FANCC: variants seen among roughly 807,000 people sequenced by gnomAD.
FANCC encodes Fanconi anemia group C protein.
Under a neutral mutation model 71.3 loss-of-function variants are expected in FANCC, and 55 were observed. The observed-to-expected ratio is 0.77, with a 90% CI of 0.62 to 0.97. The LOEUF is 0.97. FANCC is among the 50% of genes least tolerant of loss of function. The probability of loss-of-function intolerance (pLI) is 0.00; values close to 1 mark genes in which losing one functional copy is unlikely to be tolerated. For missense variants in FANCC, 678 were observed against 670.9 expected, an observed-to-expected ratio of 1.01 and a Z score of -0.12; for synonymous variants, 275 against 244.9, an observed-to-expected ratio of 1.12 and a Z score of -1.15.
At chr9:95,216,867 T>G (rs1014262391) in intron 4 of FANCC, among the ~76,000 whole-genome samples, 2 of 152,154 alleles carry the variant, frequency 1.3e-5, no homozygotes, top group Non-Finnish European at 2.9e-5. Context: ...GTCCTATGTC[T>G]TCAGCCAGCA....
chr9:95,129,205 C>G (rs1215519490), intron 8 of FANCC, among the ~76,000 whole-genome samples: 2 of 152,150 alleles, frequency 1.3e-5, no homozygotes, highest in Non-Finnish European at 2.9e-5. Flanking sequence ...CTCATCTGCA[C>G]CCCTCACCGA....
intron 1 of FANCC, among the ~76,000 whole-genome samples, chr9:95,265,975 G>A (rs992088195): frequency 3.3e-5 from 5 of 152,190 alleles, no homozygotes; most frequent in African/African-American, 4.8e-5. Flanking sequence ...GCACCAGCCC[G>A]GCATGGAGGT....
At position 95,126,571 on chromosome 9, in the gene FANCC, G is replaced by A. The variant is rs1354711465; in HGVS notation, c.854C>T (p.Ala285Val). 1 of 1,613,890 alleles carries A rather than the reference G, an allele frequency of 6.2e-7. No homozygotes were observed. Among genetic ancestry groups the A allele is most frequent in the East Asian group, 2.2e-5 (1 of 44,894 alleles). ...FIKDSSLPQA[A>V]CHPAIFRVVD... ...AACCCGGAATATGGCAGGGTGGCAG[G>A]CTGCTTGAGGCTGTAAAAGGAGAAG... The change falls in exon 9 of 15, where the codon GCC becomes GTC. Residue 285 changes from alanine (A) to valine (V), a missense_variant. Transcript: ENST00000289081.
At chr9:95,289,963 G>A (rs1030332512) in intron 1 of FANCC, among the ~76,000 whole-genome samples, 1 of 152,144 alleles carries the variant, frequency 6.6e-6, no homozygotes, top group African/African-American at 2.4e-5. Flanking sequence ...CCAGCCACAC[G>A]TTTTAGAATA....
chr9:95,108,499 A>G (rs538250934), intron 13 of FANCC, among the ~76,000 whole-genome samples: 1 of 152,190 alleles, frequency 6.6e-6, no homozygotes, highest in Non-Finnish European at 1.5e-5. Flanking sequence ...GATGGGGTCT[A>G]TCTTCCTTTA....
intron 1 of FANCC, among the ~76,000 whole-genome samples, chr9:95,269,224 C>T (rs1832581970): frequency 6.6e-6 from 1 of 152,182 alleles, no homozygotes; most frequent in African/African-American, 2.4e-5. Flanking sequence ...TCCCTCTTCC[C>T]CTACCTGTTT....
At chr9:95,208,166 C>T (rs999280760) in intron 4 of FANCC, among the ~76,000 whole-genome samples, 8 of 138,372 alleles carry the variant, frequency 5.8e-5, no homozygotes, top group South Asian at 4.7e-4. Flanking sequence ...GGTGCAATCT[C>T]GGCTCACGGC....
chr9:95,284,906 A>AACATACG (rs1311506179), intron 1 of FANCC, among the ~76,000 whole-genome samples: 16 of 151,228 alleles, frequency 1.1e-4, no homozygotes, highest in African/African-American at 3.9e-4. Context: ...ACACACACAA[A>AACATACG]CATACGCATG....
intron 4 of FANCC, among the ~76,000 whole-genome samples, chr9:95,237,165 G>C (rs530132599): frequency 1.3e-5 from 2 of 152,218 alleles, no homozygotes; most frequent in South Asian, 4.1e-4. Flanking sequence ...ATTTAGTTCA[G>C]GCTTGCTTGG....
At chr9:95,142,664 C>T (rs1397777107) in intron 7 of FANCC, 1 of 152,136 alleles carries the variant, frequency 6.6e-6, no homozygotes, top group Non-Finnish European at 1.5e-5. Context: ...TTTCTGTTAT[C>T]CCACTATACT....
In FANCC at chr9:95,162,024, T is replaced by G. The variant is rs553057768; in HGVS notation, c.521+9055A>C. Among the ~76,000 whole-genome samples the G allele has an allele frequency of 2.6e-5, 4 of 152,250 alleles. No individual in the cohort carries two copies. The South Asian group carries it at 8.3e-4, about 32-fold the overall frequency. On this transcript the variant is annotated intron_variant, in intron 6 of 14. Coordinates refer to ENST00000289081, the MANE Select transcript of FANCC (RefSeq NM_000136.3). The stretch of plus-strand genomic sequence containing the variant: ...ACCCATCTAATTTTTGTATTTTTAG[T>G]AGAGATGGAGTTTCGCCGTGTTGGC...
At chr9:95,266,409 T>C (rs1029955514) in intron 1 of FANCC, among the ~76,000 whole-genome samples, 12 of 152,182 alleles carry the variant, frequency 7.9e-5, no homozygotes, top group Non-Finnish European at 1.5e-4. Flanking sequence ...GACTGGCCAA[T>C]ACTAACACAT....
At chr9:95,292,351 A>AGGC (rs1834079702) in intron 1 of FANCC, 13 of 934,420 alleles carry the variant, frequency 1.4e-5, no homozygotes, top group Non-Finnish European at 1.7e-5. Flanking sequence ...GCGGCCTCGG[A>AGGC]GGCGGTGGCG....
chr9:95,278,130 C>T (rs144382075), intron 1 of FANCC, among the ~76,000 whole-genome samples: 1 of 152,184 alleles, frequency 6.6e-6, no homozygotes, highest in African/African-American at 2.4e-5. Flanking sequence ...AACAGCCAAG[C>T]TGTATTGGGC....
intron 6 of FANCC, among the ~76,000 whole-genome samples, chr9:95,158,413 A>C (rs1830561997): frequency 6.6e-6 from 1 of 152,198 alleles, no homozygotes; most frequent in Admixed American, 6.5e-5. Context: ...TTGAAAGGAT[A>C]TCTGCCACTT....
intron 4 of FANCC, among the ~76,000 whole-genome samples, chr9:95,235,657 C>T (rs1830276680): frequency 6.6e-6 from 1 of 151,856 alleles, no homozygotes; most frequent in South Asian, 2.1e-4. Flanking sequence ...CCAGCCCGAC[C>T]AACATGGAGA....
intron 13 of FANCC, chr9:95,110,415 C>G (rs2071824354): frequency 9.8e-7 from 1 of 1,024,680 alleles, no homozygotes; most frequent in African/African-American, 1.7e-5. Flanking sequence ...AAACATCAAC[C>G]AGGATTTTCC....
intron 4 of FANCC, among the ~76,000 whole-genome samples, chr9:95,194,044 C>G (rs1401893733): frequency 6.6e-6 from 1 of 152,180 alleles, no homozygotes; most frequent in African/African-American, 2.4e-5. Flanking sequence ...ATACACCAAA[C>G]CAACTGAAGA....
chr9:95,293,479 T>A, intron 1 of FANCC: 1 of 1,573,556 alleles, frequency 6.4e-7, no homozygotes, highest in Non-Finnish European at 8.6e-7. Flanking sequence ...GTTGAGCCAA[T>A]AAGTACTGGT....
Sources: gnomAD v4.1 joint callset for allele counts (sites outside exome capture counted in the v4.1 genomes callset) on GRCh38, gnomAD v4.1.1 for gene constraint, MANE v1.5 for transcripts, NCBI Gene and HGNC (gene_info 2026-07-23, HGNC 2026-07-21) for gene names.